Variants in SLIT3 observed in about 807,000 individuals in gnomAD.
SLIT3 encodes the protein slit homolog 3 protein.
Under a neutral mutation model 184.0 loss-of-function variants are expected in SLIT3, and 68 were observed. The observed-to-expected ratio is 0.37, with a 90% CI of 0.30 to 0.45. SLIT3 has a LOEUF of 0.45. Ranked by LOEUF, SLIT3 falls within the 20% of genes least tolerant of loss-of-function variation. The pLI is 1.00. For synonymous variants in SLIT3, 831 were observed against 828.6 expected (o/e 1.00, Z -0.05); for missense variants, 1,707 against 2,026.0 (o/e 0.84, Z 3.02).
intron 4 of SLIT3, among the ~76,000 whole-genome samples, chr5:168,887,355 C>T (rs1157662446): frequency 2.0e-5 from 3 of 152,104 alleles, no homozygotes; most frequent in African/African-American, 7.2e-5. Flanking sequence ...CAAATTAATT[C>T]CGAAGCTACA....
At chr5:169,213,813 A>C (rs547162025) in intron 3 of SLIT3, among the ~76,000 whole-genome samples, 1 of 152,350 alleles carries the variant, frequency 6.6e-6, no homozygotes, top group African/African-American at 2.4e-5. Context: ...TGACACAATA[A>C]ATATTTGTTA....
At chr5:169,233,931 C>T (rs1765098149) in intron 3 of SLIT3, among the ~76,000 whole-genome samples, 1 of 152,168 alleles carries the variant, frequency 6.6e-6, no homozygotes, top group Non-Finnish European at 1.5e-5. Context: ...TTCAATATTT[C>T]ACCATCAACT....
chr5:168,863,219 G>A (rs989840658), intron 5 of SLIT3, among the ~76,000 whole-genome samples: 7 of 152,162 alleles, frequency 4.6e-5, no homozygotes, highest in Admixed American at 3.9e-4. Flanking sequence ...ATGGAGCCAG[G>A]AGCATACTTT....
At chr5:169,187,884 G>C (rs1581033584) in intron 4 of SLIT3, among the ~76,000 whole-genome samples, 1 of 141,984 alleles carries the variant, frequency 7.0e-6, no homozygotes, top group Non-Finnish European at 1.6e-5. Flanking sequence ...AAAAAAAAAA[G>C]TTGTGAACCC....
At chr5:169,173,694 C>A (rs893791937) in intron 4 of SLIT3, among the ~76,000 whole-genome samples, 9 of 152,188 alleles carry the variant, frequency 5.9e-5, no homozygotes, top group African/African-American at 2.2e-4. Flanking sequence ...TGTATTTTCC[C>A]TATTTTCAGA....
intron 16 of SLIT3, among the ~76,000 whole-genome samples, chr5:168,758,800 G>C (rs1198202432): frequency 1.3e-5 from 2 of 152,142 alleles, no homozygotes; most frequent in Non-Finnish European, 2.9e-5. Flanking sequence ...GTGGGAGCAT[G>C]GGTAATGAGA....
intron 6 of SLIT3, among the ~76,000 whole-genome samples, chr5:168,836,512 T>C (rs1017772637): frequency 1.3e-5 from 2 of 152,138 alleles, no homozygotes; most frequent in East Asian, 1.9e-4. Flanking sequence ...CCTCCACATC[T>C]TGCCCTTGAA....
chr5:168,796,574 AC>A (rs956787097), intron 9 of SLIT3, among the ~76,000 whole-genome samples: 1 of 152,162 alleles, frequency 6.6e-6, no homozygotes, highest in Admixed American at 6.5e-5. Flanking sequence ...GGGAAGACAC[AC>A]AAAAAAGTGT....
intron 4 of SLIT3, among the ~76,000 whole-genome samples, chr5:169,131,792 G>A (rs1480851819): frequency 5.9e-5 from 9 of 152,172 alleles, no homozygotes; most frequent in Non-Finnish European, 1.2e-4. Context: ...AGGCTGTAAA[G>A]CAAAAGCATG....
At chr5:169,087,787 G>T (rs1412605631) in intron 4 of SLIT3, among the ~76,000 whole-genome samples, 2 of 152,318 alleles carry the variant, frequency 1.3e-5, no homozygotes, top group East Asian at 3.9e-4. Flanking sequence ...AGTAGTGACT[G>T]ATGACATCCT....
At chr5:168,848,216 T>C (rs1758550572) in intron 5 of SLIT3, among the ~76,000 whole-genome samples, 2 of 152,348 alleles carry the variant, frequency 1.3e-5, no homozygotes, top group East Asian at 1.9e-4. Context: ...CCAAGCCGTA[T>C]GGAATAAAGC....
chr5:169,218,421 C>T (rs1764516584), intron 3 of SLIT3, among the ~76,000 whole-genome samples: 1 of 152,198 alleles, frequency 6.6e-6, no homozygotes, highest in South Asian at 2.1e-4. Context: ...CCAGCAGCAT[C>T]AGCATCTTCT....
intron 1 of SLIT3, among the ~76,000 whole-genome samples, chr5:169,263,335 C>G (rs1766263531): frequency 6.6e-6 from 1 of 151,998 alleles, no homozygotes; most frequent in Admixed American, 6.5e-5. Context: ...AAGACCCTGT[C>G]TCTGAAAAAT....
intron 4 of SLIT3, among the ~76,000 whole-genome samples, chr5:169,148,259 A>G (rs1761996353): frequency 6.6e-6 from 1 of 152,192 alleles, no homozygotes; most frequent in Non-Finnish European, 1.5e-5. Flanking sequence ...CCAGCAGCCA[A>G]TGCCGGGCCC....
chr5:169,193,433 A>C, intron 4 of SLIT3, 46 bp downstream of exon 4: 1 of 1,539,628 alleles, frequency 6.5e-7, no homozygotes, highest in South Asian at 1.1e-5. Flanking sequence ...ACATCACCCA[A>C]GCCAGGCAAG....
At chr5:169,104,919 T>C (rs1283570980) in intron 4 of SLIT3, among the ~76,000 whole-genome samples, 1 of 152,142 alleles carries the variant, frequency 6.6e-6, no homozygotes, top group Non-Finnish European at 1.5e-5. Flanking sequence ...CTTTCCAGGG[T>C]ATGGCATTTT....
intron 6 of SLIT3, among the ~76,000 whole-genome samples, chr5:168,825,151 C>T (rs1757658190): frequency 6.6e-6 from 1 of 152,172 alleles, no homozygotes; most frequent in African/African-American, 2.4e-5. Context: ...GGTATGTGCT[C>T]AGTAAGTGGA....
chr5:169,147,311 C>T (rs1761957492), intron 4 of SLIT3, among the ~76,000 whole-genome samples: 1 of 152,176 alleles, frequency 6.6e-6, no homozygotes, highest in Non-Finnish European at 1.5e-5. Flanking sequence ...CTCTCTTGCC[C>T]AGGCTGGAGT....
rs71593196 is a variant in SLIT3 at position 168,857,373 on chromosome 5, T to TTTTTGTTTTG, written c.486-12728_486-12719dup. On this transcript the variant is annotated intron_variant, in intron 5 of 35. Transcript: ENST00000519560. Reference sequence around the variant, plus strand: ...TCATTTGCCAGCAGTAGAGTTTTTGTTTTTGTTTTGTTTTGTTTTGTTTTG... The same window carrying TTTTTGTTTTG: ...TCATTTGCCAGCAGTAGAGTTTTTGTTTTTGTTTTGTTTTGTTTTGTTTTGTTTTGTTTTG... 5.7e-3 allele frequency among the ~76,000 whole-genome samples: 857 copies of TTTTTGTTTTG among 150,930 alleles called. 2 individuals carry two copies. The highest frequency in any genetic ancestry group is 0.025 in the East Asian group (126 of 5,066).
Sources: allele counts gnomAD v4.1 joint callset (sites outside exome capture counted in the v4.1 genomes callset), GRCh38; gene constraint gnomAD v4.1.1; transcripts MANE v1.5; gene names NCBI Gene and HGNC (gene_info 2026-07-23, HGNC 2026-07-21).